LYSMD4: variants seen among roughly 807,000 people sequenced by gnomAD.
LYSMD4 encodes the protein lysM and putative peptidoglycan-binding domain-containing protein 4.
Under a neutral mutation model 6.1 loss-of-function variants are expected in LYSMD4, and 9 were observed. The observed-to-expected ratio is 1.47, with a 90% CI of 0.88 to 2.56. The LOEUF (loss-of-function observed/expected upper bound fraction) is 2.56. Among genes scored for constraint, LYSMD4 ranks in the 30% most tolerant of loss-of-function variants. The probability of loss-of-function intolerance (pLI) is 0.00; values close to 1 mark genes in which losing one functional copy is unlikely to be tolerated. For missense variants in LYSMD4, 384 were observed against 373.5 expected (o/e 1.03, Z -0.23); for synonymous variants, 143 against 148.5 (o/e 0.96, Z 0.27).
rs1567550619 is a variant in LYSMD4 at position 99,728,518 on chromosome 15, A to C, written c.*605T>G. 6.2e-6 allele frequency: 1 copy of C among 161,204 alleles called. No individual in the cohort carries two copies. The highest frequency in any genetic ancestry group is 1.4e-5 in the Non-Finnish European group (1 of 72,190). The allele number at this position is 161,204 out of a possible 1,614,324, so 10.0% of individuals were successfully genotyped here. A position where few individuals can be genotyped will look rare whatever the true frequency, so the allele number is the denominator to read the frequency against. ...ACTGCCCTTTATTCAACAGTGCCGC[A>C]GTTTGGGTCCAGGGCTTTTTCAACT... On this transcript the variant is annotated 3_prime_UTR_variant, in exon 3 of 3. Transcript: ENST00000684762.
exon 1 of LYSMD4, chr15:99,716,639 G>A (rs776743360): frequency 2.2e-6 from 1 of 456,746 alleles, no homozygotes; most frequent in South Asian, 1.5e-5. Context: ...ACAGGGTCAA[G>A]GAAACCGTCC....
chr15:99,729,506 A>G lies in LYSMD4; in HGVS notation c.508T>C (p.Phe170Leu). 1 of 1,614,160 alleles carries G rather than the reference A, an allele frequency of 6.2e-7. No homozygotes were observed. The highest frequency in any genetic ancestry group is 8.5e-7 in the Non-Finnish European group (1 of 1,180,038). The change falls in exon 3 of 3, where the codon TTT (phenylalanine) becomes CTT (leucine). Residue 170 changes from phenylalanine to leucine, a missense_variant. Coordinates refer to ENST00000684762, the MANE Select transcript of LYSMD4 (RefSeq NM_001284417.2). ...TCAATATCCTGGTCAATCCCCTTAA[A>G]GAAGCCCATCAGTTGGCCGGCCTGG... ...GAQAGQLMGF[F>L]KGIDQDIERA... is the part of the protein sequence containing the mutation.
Position 99,729,536 on chromosome 15 carries a change from C to A in LYSMD4, c.478G>T (p.Gly160Cys), listed in dbSNP as rs140745845. Residue 160 changes from glycine (G) to cysteine (C), a missense_variant, in exon 3 of 3, where the codon GGT becomes TGT. Transcript: ENST00000684762. ...CCCATCAGTTGGCCGGCCTGGGCAC[C>A]GGTGCCCGCGCCTGCTCTGTCTGCC... ...PEADRAGAGTGAQAGQLMGFF... is the reference protein window; with the variant it reads ...PEADRAGAGTCAQAGQLMGFF... 1 of 1,614,056 alleles carries A rather than the reference C, an allele frequency of 6.2e-7. No individual in the cohort carries two copies.
downstream of LYSMD4, among the ~76,000 whole-genome samples, chr15:99,723,214 C>T (rs938354087): frequency 6.6e-6 from 1 of 151,992 alleles, no homozygotes; most frequent in African/African-American, 2.4e-5. Context: ...TTCAAAGAAA[C>T]AATGGCTAAA....
At chr15:99,733,240 G>A (rs942549060) in intron 1 of LYSMD4, 105 bp downstream of exon 1, 7 of 377,098 alleles carry the variant, frequency 1.9e-5, no homozygotes, top group Admixed American at 1.8e-4. Context: ...GCCCGGGGAG[G>A]GGCGGCCCGC....
chr15:99,718,187 T>C (rs2059205611), upstream of LYSMD4, among the ~76,000 whole-genome samples: 1 of 152,216 alleles, frequency 6.6e-6, no homozygotes, highest in Non-Finnish European at 1.5e-5. Context: ...TACTGATCGG[T>C]TATTTTGTCT....
downstream of LYSMD4, among the ~76,000 whole-genome samples, chr15:99,724,194 A>G (rs1188924425): frequency 6.6e-6 from 1 of 151,054 alleles, no homozygotes. Context: ...CACTTGTCAT[A>G]TATTTCCCTC....
At chr15:99,731,615 C>T (rs987388246) in intron 2 of LYSMD4, 103 bp downstream of exon 2, 41 of 1,522,414 alleles carry the variant, frequency 2.7e-5, no homozygotes, top group Non-Finnish European at 3.5e-5. Context: ...CCTCTCCTGA[C>T]GGCCTGGCAG....
At chr15:99,716,044 A>G (rs2059123330) in exon 1 of LYSMD4, 6 of 156,030 alleles carry the variant, frequency 3.8e-5, no homozygotes, top group Admixed American at 3.1e-4. Context: ...AAGGAAGCTG[A>G]AAACTCCTGG....
chr15:99,733,087 CCCAGGGCT>C (rs1195950300), intron 1 of LYSMD4: 5 of 356,642 alleles, frequency 1.4e-5, no homozygotes, highest in African/African-American at 1.1e-4. Flanking sequence ...GCGGCCCGGC[CCCAGGGCT>C]CCACGGCTCC....
At chr15:99,723,210 G>T (rs180985829), downstream of LYSMD4, among the ~76,000 whole-genome samples, 310 of 152,146 alleles carry the variant, frequency 2.0e-3, 2 homozygotes, top group African/African-American at 7.2e-3. Flanking sequence ...AGTTTTCAAA[G>T]AAACAATGGC....
Position 99,729,601 on chromosome 15 carries a change from C to T in LYSMD4, c.413G>A (p.Ser138Asn). The change falls in exon 3 of 3, where the codon AGC becomes AAC. Residue 138 changes from serine (S) to asparagine (N), a missense_variant. Coordinates refer to ENST00000684762, the MANE Select transcript of LYSMD4 (RefSeq NM_001284417.2). ...GGTCACTGTGGTCTCGGAAGACGGGCTCAGAAGGGGTTTCAGTTCTTTGTG... is the reference window on the plus strand; with the variant it reads ...GGTCACTGTGGTCTCGGAAGACGGGTTCAGAAGGGGTTTCAGTTCTTTGTG... ...ETHKELKPLL[S>N]PSSETTVTVE... 1 of 1,614,156 alleles carries T rather than the reference C, an allele frequency of 6.2e-7. No individual in the cohort carries two copies. The highest frequency in any genetic ancestry group is 8.5e-7 in the Non-Finnish European group (1 of 1,180,038).
At position 99,729,640 on chromosome 15, in the gene LYSMD4, A is replaced by T; in HGVS notation, c.374T>A (p.Ile125Asn). The T allele has an allele frequency of 6.2e-7, 1 of 1,614,148 alleles. No individual in the cohort carries two copies. Among genetic ancestry groups the T allele is most frequent in the Non-Finnish European group, 8.5e-7 (1 of 1,180,032 alleles). The change falls in exon 3 of 3, where the codon ATC becomes AAC. Residue 125 changes from isoleucine to asparagine, a missense_variant. By Grantham distance (149) the Ile-to-Asn change is moderately radical. Coordinates refer to ENST00000684762, the MANE Select transcript of LYSMD4 (RefSeq NM_001284417.2). ...SVKIPVRNHG[I>N]LMETHKELKP... Reference sequence around the variant, plus strand: ...CAGTTCTTTGTGGGTCTCCATCAGGATCCCATGGTTTCTCACTGGAATCTT... The same window carrying T: ...CAGTTCTTTGTGGGTCTCCATCAGGTTCCCATGGTTTCTCACTGGAATCTT...
chr15:99,731,574 A>G lies in LYSMD4; in HGVS notation c.282+144T>C. The G allele has an allele frequency of 3.9e-6, 6 of 1,527,880 alleles. No individual in the cohort carries two copies. In the Admixed American group the frequency reaches 1.4e-4, roughly 34 times the overall value. 94.6% of individuals were successfully genotyped at this position (1,527,880 alleles called of 1,614,324 possible). Reference sequence around the variant, plus strand: ...TCCCACCTGCATTCCAATTCTGGCTAAATAGGGGAGTCCTTGGCTGCTACA... The same window carrying G: ...TCCCACCTGCATTCCAATTCTGGCTGAATAGGGGAGTCCTTGGCTGCTACA... On this transcript the variant is annotated intron_variant, in intron 2 of 2. Transcript: ENST00000684762.
At chr15:99,730,580 T>C (rs1458602819) in intron 2 of LYSMD4, among the ~76,000 whole-genome samples, 1 of 152,262 alleles carries the variant, frequency 6.6e-6, no homozygotes, top group Non-Finnish European at 1.5e-5. Context: ...AAATCAATCA[T>C]TTCCATTATT....
intron 1 of LYSMD4, 66 bp downstream of exon 1, chr15:99,733,279 C>A (rs2059468715): frequency 2.6e-6 from 1 of 387,258 alleles, no homozygotes; most frequent in Non-Finnish European, 4.6e-6. Flanking sequence ...GGCCAGGTCG[C>A]CGTACCGCCA....
At chr15:99,730,329 T>A (rs912930820) in intron 2 of LYSMD4, among the ~76,000 whole-genome samples, 1 of 152,276 alleles carries the variant, frequency 6.6e-6, no homozygotes, top group Admixed American at 6.5e-5. Flanking sequence ...ACAGTTACTG[T>A]ACTTAACTGT....
exon 1 of LYSMD4, chr15:99,716,047 ACTC>A (rs1392981078): frequency 5.8e-5 from 9 of 155,864 alleles, no homozygotes; most frequent in Middle Eastern, 3.1e-3. Context: ...GAAGCTGAAA[ACTC>A]CTGGCATTGG....
At chr15:99,716,317 T>C (rs1389010936) in exon 1 of LYSMD4, 1 of 348,806 alleles carries the variant, frequency 2.9e-6, no homozygotes, top group Non-Finnish European at 5.7e-6. Context: ...AGATGAACCT[T>C]TTAAGAAAAA....
Sources: gnomAD v4.1 joint callset for allele counts (sites outside exome capture counted in the v4.1 genomes callset) on GRCh38, gnomAD v4.1.1 for gene constraint, MANE v1.5 for transcripts, NCBI Gene and HGNC (gene_info 2026-07-23, HGNC 2026-07-21) for gene names.